Variants in BMPR1B observed in about 807,000 individuals in gnomAD.
The protein encoded by BMPR1B is bone morphogenetic protein receptor type-1B.
BMPR1B carries 12 observed loss-of-function variants against 59.1 expected under a neutral mutation model. The observed-to-expected ratio is 0.20, with a 90% confidence interval of 0.13 to 0.33. The LOEUF is 0.33. BMPR1B is among the 10% of genes least tolerant of loss of function. The pLI is 1.00. For missense variants in BMPR1B, 550 were observed against 610.9 expected (o/e 0.90, Z 1.05); for synonymous variants, 237 against 207.3 (o/e 1.14, Z -1.23).
Position 95,104,481 on chromosome 4 carries a change from G to C in BMPR1B, c.57G>C (p.Glu19Asp), listed in dbSNP as rs773850751. ...LNVGTKKEDG[E>D]STAPTPRPKV... ...TGGGCACCAAGAAAGAGGATGGTGA[G>C]AGTACAGCCCCCACCCCCCGTCCAA... The change falls in exon 4 of 13, where the codon GAG becomes GAC. Residue 19 changes from glutamate (E) to aspartate (D), a missense_variant. Coordinates refer to ENST00000515059, the MANE Select transcript of BMPR1B (RefSeq NM_001203.3). 15 of 1,613,454 alleles carry C rather than the reference G, an allele frequency of 9.3e-6. No individual in the cohort carries two copies. Among genetic ancestry groups the C allele is most frequent in the Non-Finnish European group, 1.3e-5 (15 of 1,179,656 alleles).
At chr4:94,947,509 A>C (rs908042446) in intron 2 of BMPR1B, among the ~76,000 whole-genome samples, 8 of 152,142 alleles carry the variant, frequency 5.3e-5, no homozygotes, top group Non-Finnish European at 8.8e-5. Flanking sequence ...CATTTATGTT[A>C]ATTTATGTTT....
chr4:95,092,516 A>C (rs532999894), intron 3 of BMPR1B, among the ~76,000 whole-genome samples: 4 of 152,176 alleles, frequency 2.6e-5, no homozygotes, highest in Admixed American at 1.3e-4. Context: ...CTTTAAACTC[A>C]TTGGTGATGA....
At chr4:94,759,116 A>AC (rs1029949304) in intron 1 of BMPR1B, among the ~76,000 whole-genome samples, 1 of 151,864 alleles carries the variant, frequency 6.6e-6, no homozygotes, top group Non-Finnish European at 1.5e-5. Flanking sequence ...TTAGAGCTGC[A>AC]CCCCTCCAGC....
intron 2 of BMPR1B, among the ~76,000 whole-genome samples, chr4:94,964,890 T>G (rs997687343): frequency 6.6e-6 from 1 of 152,102 alleles, no homozygotes; most frequent in Admixed American, 6.5e-5. Flanking sequence ...TCAGGTATAT[T>G]CCAACCCTTG....
chr4:95,036,620 T>C (rs1725260740), intron 3 of BMPR1B, among the ~76,000 whole-genome samples: 1 of 152,130 alleles, frequency 6.6e-6, no homozygotes, highest in Admixed American at 6.6e-5. Flanking sequence ...CATTTGTTGA[T>C]GGACAATTAG....
chr4:95,154,885 C>A lies in BMPR1B; in HGVS notation c.*212C>A. ...GATTGATCCATGTCTGTTTGTAGGA[C>A]GGAGAAACCGCTTGGGTAACTTGTT... On this transcript the variant is annotated 3_prime_UTR_variant, in exon 13 of 13. Coordinates refer to ENST00000515059, the MANE Select transcript of BMPR1B (RefSeq NM_001203.3). The A allele has an allele frequency of 1.7e-6, 1 of 590,076 alleles. No individual in the cohort carries two copies. Among genetic ancestry groups the A allele is most frequent in the Admixed American group, 3.0e-5 (1 of 32,916 alleles). 36.6% of individuals were successfully genotyped at this position (590,076 alleles called of 1,614,324 possible).
chr4:94,936,704 C>T (rs1729315417), intron 2 of BMPR1B, among the ~76,000 whole-genome samples: 1 of 151,964 alleles, frequency 6.6e-6, no homozygotes, highest in Non-Finnish European at 1.5e-5. Context: ...AGTTTATTTC[C>T]AAACTAAGAA....
At chr4:95,105,866 A>G (rs1731165775) in intron 4 of BMPR1B, among the ~76,000 whole-genome samples, 1 of 152,038 alleles carries the variant, frequency 6.6e-6, no homozygotes, top group South Asian at 2.1e-4. Context: ...GAAAGAAAGC[A>G]AAATTAGCAG....
chr4:94,783,455 A>G (rs1722653734), intron 1 of BMPR1B, among the ~76,000 whole-genome samples: 1 of 151,812 alleles, frequency 6.6e-6, no homozygotes, highest in African/African-American at 2.4e-5. Context: ...CTTCCCTTAT[A>G]CTCTGCTGTT....
intron 5 of BMPR1B, among the ~76,000 whole-genome samples, 193 bp from the exon 6 acceptor site, chr4:95,115,492 A>G (rs762056585): frequency 1.8e-4 from 28 of 152,224 alleles, no homozygotes; most frequent in Admixed American, 9.8e-4. Context: ...TTGAAATGCA[A>G]AAGTTGCAAT....
chr4:94,992,009 A>T (rs1479982709), intron 2 of BMPR1B, among the ~76,000 whole-genome samples: 1 of 152,180 alleles, frequency 6.6e-6, no homozygotes, highest in Non-Finnish European at 1.5e-5. Context: ...TCTAAAGTTC[A>T]TCATGTCCCA....
intron 3 of BMPR1B, among the ~76,000 whole-genome samples, chr4:95,071,151 G>A (rs763156740): frequency 6.6e-6 from 1 of 152,038 alleles, no homozygotes; most frequent in African/African-American, 2.4e-5. Context: ...TGAAGCTTAG[G>A]TTTTTGCCAG....
chr4:94,997,460 C>G (rs565050107), intron 3 of BMPR1B, among the ~76,000 whole-genome samples: 1 of 152,268 alleles, frequency 6.6e-6, no homozygotes, highest in South Asian at 2.1e-4. Context: ...AGACCAATAG[C>G]TGTGCAGTAT....
rs367767721 is a variant in BMPR1B at position 95,083,613 on chromosome 4, C to T, written c.-17-20795C>T. The stretch of plus-strand genomic sequence containing the variant: ...TATTCAGGGTCAGATAACTCATCTC[C>T]TCAGAGCAGCCTAATAAGATTTCAG... On this transcript the variant is annotated intron_variant, in intron 3 of 12. Coordinates refer to ENST00000515059, the MANE Select transcript of BMPR1B (RefSeq NM_001203.3). Among the ~76,000 whole-genome samples the T allele has an allele frequency of 9.2e-5, 14 of 152,154 alleles. No individual in the cohort carries two copies. The East Asian group carries it at 2.7e-3, about 29-fold the overall frequency.
At chr4:94,998,048 T>TA (rs771451512) in intron 3 of BMPR1B, among the ~76,000 whole-genome samples, 2 of 152,144 alleles carry the variant, frequency 1.3e-5, no homozygotes, top group Non-Finnish European at 2.9e-5. Context: ...CAAGAAGAAA[T>TA]ACAAAATTGT....
intron 3 of BMPR1B, among the ~76,000 whole-genome samples, chr4:95,064,566 A>G (rs912140351): frequency 6.6e-6 from 1 of 152,170 alleles, no homozygotes; most frequent in Non-Finnish European, 1.5e-5. Context: ...CTGCTGTTTT[A>G]GAGCACGTCG....
At chr4:95,053,386 G>T (rs917630574) in intron 3 of BMPR1B, among the ~76,000 whole-genome samples, 1 of 150,484 alleles carries the variant, frequency 6.6e-6, no homozygotes. Flanking sequence ...ACAAATTCTG[G>T]ACCCAGAATG....
At chr4:94,828,495 C>T (rs1025122202) in intron 1 of BMPR1B, among the ~76,000 whole-genome samples, 11 of 152,084 alleles carry the variant, frequency 7.2e-5, no homozygotes, top group African/African-American at 2.7e-4. Context: ...TACAGGATTC[C>T]AGGGTCAAAT....
chr4:94,959,962 G>C (rs1173174120), intron 2 of BMPR1B, among the ~76,000 whole-genome samples: 1 of 152,144 alleles, frequency 6.6e-6, no homozygotes, highest in South Asian at 2.1e-4. Flanking sequence ...CATGTTTTCA[G>C]TGTCAAAGTA....
Sources: allele counts gnomAD v4.1 joint callset (sites outside exome capture counted in the v4.1 genomes callset), GRCh38; gene constraint gnomAD v4.1.1; transcripts MANE v1.5; gene names NCBI Gene and HGNC (gene_info 2026-07-23, HGNC 2026-07-21).